The following DNAH10 variants were observed in gnomAD, a reference collection of about 807,000 sequenced individuals.
The protein encoded by DNAH10 is dynein axonemal heavy chain 10.
A neutral mutation model predicts 506.6 loss-of-function variants in DNAH10; 348 were observed. That is an observed-to-expected ratio of 0.69 (90% CI 0.63 to 0.75). The LOEUF is 0.75. Among genes scored for constraint, DNAH10 ranks in the 30% least tolerant of loss-of-function variants. DNAH10 has a pLI of 0.00. For synonymous variants in DNAH10, 2,059 were observed against 2,198.6 expected, an observed-to-expected ratio of 0.94 and a Z score of 1.78; for missense variants, 5,179 against 5,787.1, an observed-to-expected ratio of 0.89 and a Z score of 3.41.
intron 1 of DNAH10, among the ~76,000 whole-genome samples, chr12:123,765,802 T>TCTACCTAC (rs760618044): frequency 1.3e-5 from 2 of 151,792 alleles, no homozygotes; most frequent in Non-Finnish European, 2.9e-5. Flanking sequence ...TATACATCTA[T>TCTACCTAC]CTACCTACCT....
At chr12:123,889,089 T>C (rs1347873857) in intron 52 of DNAH10, among the ~76,000 whole-genome samples, 1 of 152,202 alleles carries the variant, frequency 6.6e-6, no homozygotes, top group African/African-American at 2.4e-5. Context: ...CGGCATGCCA[T>C]CTAGATCCCT....
chr12:123,844,333 C>T (rs1425925268), intron 30 of DNAH10, among the ~76,000 whole-genome samples: 1 of 152,120 alleles, frequency 6.6e-6, no homozygotes, highest in Non-Finnish European at 1.5e-5. Flanking sequence ...GACACAGAGC[C>T]AAACCATATC....
chr12:123,789,771 C>T (rs997833546), intron 10 of DNAH10, among the ~76,000 whole-genome samples, 156 bp from the exon 11 acceptor site: 1 of 152,092 alleles, frequency 6.6e-6, no homozygotes, highest in African/African-American at 2.4e-5. Context: ...TCCTATGTGC[C>T]TTGGGCATCG....
At chr12:123,871,660 A>G (rs1952042325) in intron 45 of DNAH10, 58 bp downstream of exon 45, 1 of 1,519,374 alleles carries the variant, frequency 6.6e-7, no homozygotes, top group Non-Finnish European at 8.8e-7. Context: ...TCCAGTGCAT[A>G]GCAGCTTCAT....
chr12:123,778,015 T>C (rs1383337880), intron 5 of DNAH10, among the ~76,000 whole-genome samples: 1 of 152,008 alleles, frequency 6.6e-6, no homozygotes, highest in African/African-American at 2.4e-5. Context: ...AATAACAAAA[T>C]AACATCAACC....
chr12:123,931,971 G>A lies in DNAH10; in HGVS notation c.13159G>A (p.Glu4387Lys). 1.2e-6 allele frequency: 2 copies of A among 1,614,070 alleles called. No individual in the cohort carries two copies. Among genetic ancestry groups the A allele is most frequent in the Non-Finnish European group, 8.5e-7 (1 of 1,179,906 alleles). Residue 4387 changes from glutamate to lysine, a missense_variant, in exon 76 of 79, where the codon GAG (glutamate) becomes AAG (lysine). By Grantham distance (56) the Glu-to-Lys change is moderately conservative. This residue lies in a region of DNAH10 where 4,844 missense variants were observed against 5,430.5 expected (regional missense o/e 0.89). Transcript: ENST00000673944. ...GGCTGGAGAAGTTGGAATGAGCAAT[G>A]AGTTAGATGATGTGGCCAGGTCTCT... ...ALAGEVGMSN[E>K]LDDVARSLFI...
intron 27 of DNAH10, 44 bp from the exon 28 acceptor site, chr12:123,835,362 T>C (rs754476267): frequency 6.3e-7 from 1 of 1,599,686 alleles, no homozygotes; most frequent in South Asian, 1.1e-5. Context: ...CTTTTGGAGG[T>C]ATCTGATAAC....
In DNAH10 at chr12:123,902,404, G is replaced by A. The variant is rs910845662; in HGVS notation, c.9641-535G>A. On this transcript the variant is annotated intron_variant, in intron 56 of 78. Coordinates refer to ENST00000673944, the MANE Select transcript of DNAH10 (RefSeq NM_001372106.1). This position sits in a 1 kb window ranked among gnomAD's most constrained non-coding sequence, Gnocchi z 4.5. ...GGGAGGTGCTGACATCCTAGTGAGT[G>A]AGGGCACCCAGGCAGTGAATCAGCC... Among the ~76,000 whole-genome samples the A allele has an allele frequency of 6.6e-6, 1 of 152,196 alleles. No individual in the cohort carries two copies. The highest frequency in any genetic ancestry group is 2.4e-5 in the African/African-American group (1 of 41,446).
At chr12:123,908,310 C>T (rs1265680511) in intron 57 of DNAH10, 1 of 455,900 alleles carries the variant, frequency 2.2e-6, no homozygotes, top group Non-Finnish European at 4.4e-6. Flanking sequence ...GTCCCTCCAT[C>T]CCCCTCTTTC....
In DNAH10 at chr12:123,787,706, G is replaced by T; in HGVS notation, c.1422-98G>T. 2 of 1,447,918 alleles carry T rather than the reference G, an allele frequency of 1.4e-6. No individual in the cohort carries two copies. Among genetic ancestry groups the T allele is most frequent in the East Asian group, 2.4e-5 (1 of 41,550 alleles). 89.7% of individuals were successfully genotyped at this position (1,447,918 alleles called of 1,614,324 possible). On this transcript the variant is annotated intron_variant, in intron 9 of 78. Transcript: ENST00000673944. The surrounding 1 kb of genome is among the most constrained non-coding windows in gnomAD (Gnocchi z 4.6). ...GCCGTGAAACCAGGGGGGGCGCCCGGGTCAGAGCTTCACGGGACACTGGCT... is the reference window on the plus strand; with the variant it reads ...GCCGTGAAACCAGGGGGGGCGCCCGTGTCAGAGCTTCACGGGACACTGGCT...
At position 123,917,495 on chromosome 12, in the gene DNAH10, G is replaced by A. The variant is rs982366875; in HGVS notation, c.11003-89G>A. ...GCCTCTGGCCTGCTGGCTGAGACCC[G>A]CGCTAAGCTTGTCCCGTCACAGCAG... On this transcript the variant is annotated intron_variant, in intron 63 of 78. Transcript: ENST00000673944. This position sits in a 1 kb window ranked among gnomAD's most constrained non-coding sequence, Gnocchi z 5.6. The A allele has an allele frequency of 3.9e-5, 53 of 1,354,548 alleles. No individual in the cohort carries two copies. The highest frequency in any genetic ancestry group is 3.5e-4 in the East Asian group (14 of 39,928). The allele number at this position is 1,354,548 out of a possible 1,614,324, so 83.9% of individuals were successfully genotyped here. A position where few individuals can be genotyped will look rare whatever the true frequency, so the allele number is the denominator to read the frequency against.
intron 49 of DNAH10, 71 bp downstream of exon 49, chr12:123,879,428 TA>T (rs1427075019): frequency 6.5e-6 from 10 of 1,529,364 alleles, no homozygotes; most frequent in Non-Finnish European, 8.8e-6. Flanking sequence ...AAGTGTTTTT[TA>T]TATTAGGACG....
chr12:123,826,928 A>G lies in DNAH10; in HGVS notation c.4391+30A>G, dbSNP rs1960057901. The G allele has an allele frequency of 1.9e-6, 3 of 1,575,080 alleles. No individual in the cohort carries two copies. In the African/African-American group the frequency reaches 4.1e-5, roughly 21 times the overall value. Reference sequence around the variant, plus strand: ...GTTTTGTCCTCTGTCCGCAGATGTAAAAGTGTGGGAGGAGCTTTTAGTTAA... The same window carrying G: ...GTTTTGTCCTCTGTCCGCAGATGTAGAAGTGTGGGAGGAGCTTTTAGTTAA... On this transcript the variant is annotated intron_variant, in intron 25 of 78. Transcript: ENST00000673944.
At chr12:123,765,436 G>A (rs1473636655) in intron 1 of DNAH10, among the ~76,000 whole-genome samples, 4 of 152,092 alleles carry the variant, frequency 2.6e-5, no homozygotes. Flanking sequence ...ATTCCTAGGG[G>A]TAACCACTAT....
intron 26 of DNAH10, among the ~76,000 whole-genome samples, chr12:123,832,638 C>T (rs541708103): frequency 5.7e-4 from 87 of 152,192 alleles, no homozygotes; most frequent in African/African-American, 1.1e-3. Flanking sequence ...CCACCGCACC[C>T]GGCCTCAATA....
intron 24 of DNAH10, among the ~76,000 whole-genome samples, chr12:123,823,413 G>A (rs752779951): frequency 2.0e-5 from 3 of 152,156 alleles, no homozygotes; most frequent in Admixed American, 6.5e-5. Context: ...CTGGCAGAAG[G>A]GATGGGAGCT....
rs751007648 is a variant in DNAH10, at chr12:123,931,436, A to G, written c.12880A>G (p.Met4294Val). 1.2e-6 allele frequency: 2 copies of G among 1,613,928 alleles called. No homozygotes were observed. The highest frequency in any genetic ancestry group is 1.7e-6 in the Non-Finnish European group (2 of 1,179,862). Residue 4294 changes from methionine (M) to valine (V), a missense_variant, in exon 74 of 79, where the codon ATG (methionine) becomes GTG (valine). Transcript: ENST00000673944. ...CTATTACACGCAGGCGGCTCGAGAC[A>G]TGTGGGCTCACCTGCTGGAGCTGCA... ...IGYYTQAARD[M>V]WAHLLELQPQ...
chr12:123,785,930 T>C lies in DNAH10; in HGVS notation c.1415T>C (p.Leu472Ser), dbSNP rs560209246. The C allele has an allele frequency of 1.2e-6, 2 of 1,608,498 alleles. No homozygotes were observed. The highest frequency in any genetic ancestry group is 2.2e-5 in the South Asian group (2 of 90,920). The stretch of plus-strand genomic sequence containing the variant: ...TGCCGAGTGGTCAACCTGCGGACTT[T>C]GTTCAAGTAAGAAGCCATGGCGTTC... ...RVCRVVNLRTLFKENRASAQS... is the reference protein window; with the variant it reads ...RVCRVVNLRTSFKENRASAQS... The change falls in exon 9 of 79, where the codon TTG becomes TCG. Residue 472 changes from leucine (L) to serine (S), a missense_variant. Leu to Ser is a moderately radical substitution (Grantham distance 145). This residue lies in a region of DNAH10 where 4,844 missense variants were observed against 5,430.5 expected (regional missense o/e 0.89). Coordinates refer to ENST00000673944, the MANE Select transcript of DNAH10 (RefSeq NM_001372106.1). The surrounding 1 kb of genome is among the most constrained non-coding windows in gnomAD (Gnocchi z 4.1).
chr12:123,796,872 ATTT>A (rs368845242), intron 13 of DNAH10, 40 bp downstream of exon 13: 897 of 1,284,966 alleles, frequency 7.0e-4, no homozygotes, highest in South Asian at 1.7e-3. Flanking sequence ...TTTGTATTTG[ATTT>A]TTTTTTTTTT....
Sources: allele counts gnomAD v4.1 joint callset (sites outside exome capture counted in the v4.1 genomes callset), GRCh38; gene constraint gnomAD v4.1.1; regional missense constraint gnomAD v4.1.1; non-coding constraint Gnocchi (gnomAD v3.1); transcripts MANE v1.5; gene names NCBI Gene and HGNC (gene_info 2026-07-23, HGNC 2026-07-21).